Variants in SLA2 observed in about 807,000 individuals in gnomAD.
SLA2 encodes Src like adaptor 2, also known as src-like-adapter 2.
In SLA2, 22 loss-of-function variants were observed where a neutral mutation model predicts 27.3. The observed-to-expected ratio is 0.81, with a 90% CI of 0.58 to 1.15. SLA2 has a LOEUF of 1.15. SLA2 is among the 50% of genes most tolerant of loss of function. The probability of loss-of-function intolerance (pLI) is 0.00; values close to 1 mark genes in which losing one functional copy is unlikely to be tolerated. For missense variants in SLA2, 304 were observed against 322.2 expected (o/e 0.94, Z 0.43); for synonymous variants, 131 against 137.8 (o/e 0.95, Z 0.34).
chr20:36,612,380 G>T lies in SLA2; in HGVS notation c.*1486C>A, dbSNP rs773302422. 1.4e-6 allele frequency: 1 copy of T among 698,988 alleles called. No homozygotes were observed. The highest frequency in any genetic ancestry group is 2.5e-6 in the Non-Finnish European group (1 of 407,718). The allele number at this position is 698,988 out of a possible 1,614,324, so 43.3% of individuals were successfully genotyped here. ...CTGGATTCAGATGAAACATTAAATTGTCTTCCTCGATTCTCCATCGGGTGT... is the reference window on the plus strand; with the variant it reads ...CTGGATTCAGATGAAACATTAAATTTTCTTCCTCGATTCTCCATCGGGTGT... On this transcript the variant is annotated 3_prime_UTR_variant, in exon 8 of 8. Transcript: ENST00000262866.
At position 36,619,519 on chromosome 20, in the gene SLA2, C is replaced by G. The variant is rs191573606; in HGVS notation, c.383-4145G>C. Among the ~76,000 whole-genome samples the G allele has an allele frequency of 1.5e-3, 225 of 150,644 alleles. 1 individual carries two copies. Among genetic ancestry groups the G allele is most frequent in the Non-Finnish European group, 2.5e-3 (169 of 67,728 alleles). ...CCAGCCTGGGCAATATAGCAAGACTCTGTGTCAAAAAAAAAATTGGAGAGA... is the reference window on the plus strand; with the variant it reads ...CCAGCCTGGGCAATATAGCAAGACTGTGTGTCAAAAAAAAAATTGGAGAGA... On this transcript the variant is annotated intron_variant, in intron 5 of 7. Coordinates refer to ENST00000262866, the MANE Select transcript of SLA2 (RefSeq NM_032214.4).
rs763293880 is a variant in SLA2 at position 36,614,312 on chromosome 20, G to C, written c.658C>G (p.Leu220Val). ...AGGAGTCCCCAACTTTACCTGTCCA[G>C]CTCTTTCCAGTTGAGTGGTGTCCTC... ...VQRTPLNWKE[L>V]DSSLLFSEAA... Residue 220 changes from leucine (L) to valine (V), a missense_variant, in exon 7 of 8, where the codon CTG (leucine) becomes GTG (valine). By Grantham distance (32) the Leu-to-Val change is conservative. Transcript: ENST00000262866. 1 of 1,614,198 alleles carries C rather than the reference G, an allele frequency of 6.2e-7. No homozygotes were observed.
rs373951457 is a variant in SLA2, at chr20:36,617,380, T to C, written c.383-2006A>G. 2.0e-3 allele frequency among the ~76,000 whole-genome samples: 307 copies of C among 149,876 alleles called. 1 individual carries two copies. The highest frequency in any genetic ancestry group is 7.1e-3 in the Middle Eastern group (2 of 282). On this transcript the variant is annotated intron_variant, in intron 5 of 7. Coordinates refer to ENST00000262866, the MANE Select transcript of SLA2 (RefSeq NM_032214.4). ...ACTCCATCTCAATTAAAAAAATAAA[T>C]AAACAAGGCTGGGCAGAGTGGCTCA...
Position 36,641,346 on chromosome 20 carries a change from C to T in SLA2, c.-11G>A, listed in dbSNP as rs2147997809. The T allele has an allele frequency of 6.2e-7, 1 of 1,611,072 alleles. No individual in the cohort carries two copies. The highest frequency in any genetic ancestry group is 1.7e-5 in the Admixed American group (1 of 60,002). ...GGGCAGACTTCCCATTGTTCCTCAG[C>T]AGAGCACTCAGAAGCACATCATCGA... On this transcript the variant is annotated 5_prime_UTR_variant, in exon 2 of 8. Coordinates refer to ENST00000262866, the MANE Select transcript of SLA2 (RefSeq NM_032214.4).
At position 36,640,505 on chromosome 20, in the gene SLA2, C is replaced by CTTTT. The variant is rs1162794643; in HGVS notation, c.91+736_91+739dup. Among the ~76,000 whole-genome samples the CTTTT allele has an allele frequency of 5.3e-5, 7 of 133,262 alleles. No homozygotes were observed. The East Asian group carries it at 6.3e-4, about 12-fold the overall frequency. The allele number at this position is 133,262 out of a possible 152,430, so 87.4% of individuals were successfully genotyped here. ...AAATGTGGCTGGGGTGATGAAAGAC[C>CTTTT]TTTTTTTTTTTTTTTTTTTGTTAGA... On this transcript the variant is annotated intron_variant, in intron 2 of 7. Transcript: ENST00000262866.
intron 5 of SLA2, among the ~76,000 whole-genome samples, chr20:36,623,682 G>C (rs2147983548): frequency 6.6e-6 from 1 of 151,490 alleles, no homozygotes; most frequent in African/African-American, 2.4e-5. Context: ...CTTTTTTAGA[G>C]ACAGTTTCAC....
intron 2 of SLA2, 108 bp from the exon 3 acceptor site, chr20:36,634,697 C>T: frequency 1.6e-6 from 1 of 616,906 alleles, no homozygotes; most frequent in Non-Finnish European, 2.8e-6. Flanking sequence ...CCTCCACAAG[C>T]ACCCTGAGGG....
chr20:36,636,447 A>T (rs1454923958), intron 2 of SLA2, among the ~76,000 whole-genome samples: 6 of 142,572 alleles, frequency 4.2e-5, no homozygotes, highest in African/African-American at 1.5e-4. Flanking sequence ...AAAAAAAAAA[A>T]ATACAAAATT....
At chr20:36,633,065 C>T (rs760517243) in intron 4 of SLA2, among the ~76,000 whole-genome samples, 1 of 152,136 alleles carries the variant, frequency 6.6e-6, no homozygotes, top group Non-Finnish European at 1.5e-5. Flanking sequence ...CAAGAGCTGC[C>T]CCTCTGTTTT....
intron 1 of SLA2, among the ~76,000 whole-genome samples, chr20:36,642,902 G>C (rs1978284902): frequency 6.6e-6 from 1 of 151,656 alleles, no homozygotes; most frequent in Non-Finnish European, 1.5e-5. Context: ...CTTAAGTTAC[G>C]GGCTCATGCC....
At chr20:36,622,915 G>C (rs2039299403) in intron 5 of SLA2, among the ~76,000 whole-genome samples, 2 of 152,126 alleles carry the variant, frequency 1.3e-5, no homozygotes, top group African/African-American at 4.8e-5. Flanking sequence ...GAACATTGTT[G>C]GGGGGGATGA....
chr20:36,626,724 G>T (rs567503713), intron 5 of SLA2, among the ~76,000 whole-genome samples: 47 of 148,842 alleles, frequency 3.2e-4, no homozygotes, highest in African/African-American at 1.1e-3. Context: ...GCCGCCTGTG[G>T]TCCCAGCTAC....
rs979791543 is a variant in SLA2 at position 36,613,865 on chromosome 20, C to A, written c.*1G>T. ...TTTCCCTTTTGGCCTCTCCTTTGGG[C>A]CTAGGCATCATCCAAAGAGACAGCC... On this transcript the variant is annotated 3_prime_UTR_variant, in exon 8 of 8. Transcript: ENST00000262866. 2.7e-5 allele frequency: 39 copies of A among 1,462,834 alleles called. No homozygotes were observed. Among genetic ancestry groups the A allele is most frequent in the Non-Finnish European group, 3.4e-5 (37 of 1,084,404 alleles). 90.6% of individuals were successfully genotyped at this position (1,462,834 alleles called of 1,614,324 possible).
chr20:36,636,623 A>AAAAATATATATATAT (rs1387991352), intron 2 of SLA2, among the ~76,000 whole-genome samples: 1 of 114,714 alleles, frequency 8.7e-6, no homozygotes, highest in African/African-American at 4.0e-5. Context: ...AAAAAAAAAA[A>AAAAATATATATATAT]ATATATATAT....
rs200468530 is a variant in SLA2, at chr20:36,622,361, A to AAC, written c.383-6988_383-6987insGT. Among the ~76,000 whole-genome samples, 348 of 151,982 alleles carry AAC rather than the reference A, an allele frequency of 2.3e-3. 2 individuals carry two copies. Among genetic ancestry groups the AAC allele is most frequent in the African/African-American group, 8.2e-3 (338 of 41,428 alleles). On this transcript the variant is annotated intron_variant, in intron 5 of 7. Coordinates refer to ENST00000262866, the MANE Select transcript of SLA2 (RefSeq NM_032214.4). ...ACAGAGCGAGACTCCATCTCAAAAA[A>AAC]AAAAAACAAAAAACTGAAAAACCAC...
intron 2 of SLA2, among the ~76,000 whole-genome samples, chr20:36,636,639 T>C (rs1255411998): frequency 7.2e-5 from 10 of 139,590 alleles, no homozygotes; most frequent in African/African-American, 2.1e-4. Flanking sequence ...TATATATATA[T>C]ATATATATAT....
chr20:36,636,611 GA>G (rs1185102769), intron 2 of SLA2, among the ~76,000 whole-genome samples: 153 of 73,990 alleles, frequency 2.1e-3, no homozygotes, highest in African/African-American at 7.3e-3. Context: ...ATCTCAAAAA[GA>G]AAAAAAAAAA....
intron 2 of SLA2, among the ~76,000 whole-genome samples, chr20:36,634,795 G>A (rs1209306941): frequency 6.6e-6 from 1 of 151,862 alleles, no homozygotes. Flanking sequence ...CAGAGAGAGA[G>A]AGAGAGAGAG....
At chr20:36,618,906 C>CAA (rs35436767) in intron 5 of SLA2, among the ~76,000 whole-genome samples, 12 of 40,368 alleles carry the variant, frequency 3.0e-4, no homozygotes, top group East Asian at 1.8e-3. Flanking sequence ...AACTCCATCT[C>CAA]AAAAAAAAAA....
Sources: allele counts gnomAD v4.1 joint callset (sites outside exome capture counted in the v4.1 genomes callset), GRCh38; gene constraint gnomAD v4.1.1; transcripts MANE v1.5; gene names NCBI Gene and HGNC (gene_info 2026-07-23, HGNC 2026-07-21).